The following PIK3R3 variants were observed in gnomAD, a reference collection of about 807,000 sequenced individuals.
PIK3R3 encodes the protein phosphoinositide-3-kinase regulatory subunit 3, also known as phosphatidylinositol 3-kinase regulatory subunit gamma.
In PIK3R3, 64 loss-of-function variants were observed where a neutral mutation model predicts 62.9. The observed-to-expected ratio is 1.02, with a 90% CI of 0.83 to 1.25. PIK3R3 has a LOEUF of 1.25. Among genes scored for constraint, PIK3R3 ranks in the 50% most tolerant of loss-of-function variants. The probability of loss-of-function intolerance (pLI) is 0.00; values close to 1 mark genes in which losing one functional copy is unlikely to be tolerated. For synonymous variants in PIK3R3, 165 were observed against 189.0 expected, an observed-to-expected ratio of 0.87 and a Z score of 1.04; for missense variants, 614 against 561.6, an observed-to-expected ratio of 1.09 and a Z score of -0.94.
At chr1:46,098,644 TTA>T (rs1214294504) in intron 1 of PIK3R3, among the ~76,000 whole-genome samples, 2 of 152,156 alleles carry the variant, frequency 1.3e-5, no homozygotes, top group East Asian at 3.8e-4. Flanking sequence ...ATAGGCAAAC[TTA>T]TAGAGACAGA....
chr1:46,090,828 T>C (rs1397541005), intron 1 of PIK3R3, among the ~76,000 whole-genome samples: 1 of 152,218 alleles, frequency 6.6e-6, no homozygotes, highest in Non-Finnish European at 1.5e-5. Flanking sequence ...GCATTTGGTA[T>C]GTCAGTCACA....
At chr1:46,079,934 A>G (rs1192639280) in intron 2 of PIK3R3, among the ~76,000 whole-genome samples, 1 of 150,424 alleles carries the variant, frequency 6.6e-6, no homozygotes, top group Admixed American at 6.8e-5. Flanking sequence ...AGCCTGGGCA[A>G]CAGAGTGAGA....
At chr1:46,099,052 T>C (rs892931927) in intron 1 of PIK3R3, among the ~76,000 whole-genome samples, 1 of 152,148 alleles carries the variant, frequency 6.6e-6, no homozygotes, top group African/African-American at 2.4e-5. Flanking sequence ...AAGAATGTTC[T>C]GGAATAAGAT....
Position 46,071,712 on chromosome 1 carries a change from A to AAAAAAAAAC in PIK3R3, c.315-4622_315-4621insGTTTTTTTT, listed in dbSNP as rs1472807815. Among the ~76,000 whole-genome samples, 17 of 24,636 alleles carry AAAAAAAAAC rather than the reference A, an allele frequency of 6.9e-4. 2 individuals are homozygous for AAAAAAAAAC. The highest frequency in any genetic ancestry group is 1.1e-3 in the Non-Finnish European group (14 of 12,780). 16.2% of individuals were successfully genotyped at this position (24,636 alleles called of 152,430 possible). On this transcript the variant is annotated intron_variant, in intron 3 of 9. Transcript: ENST00000262741. ...CTCTGTCTCCAAAAAAAAAAAAAAA[A>AAAAAAAAAC]ATATATATATATATATATAGAGAGA...
rs75345654 is a variant in PIK3R3, at chr1:46,069,518, C to CAA, written c.315-2429_315-2428dup. Reference sequence around the variant, plus strand: ...AGGGGTACAGAGTAAGATGCCATCTCAAAAAAAAAAAAAAGAATATGTTTA... The same window carrying CAA: ...AGGGGTACAGAGTAAGATGCCATCTCAAAAAAAAAAAAAAAAGAATATGTTTA... On this transcript the variant is annotated intron_variant, in intron 3 of 9. Transcript: ENST00000262741. Among the ~76,000 whole-genome samples the CAA allele has an allele frequency of 7.2e-3, 768 of 107,050 alleles. 8 individuals carry two copies. Among genetic ancestry groups the CAA allele is most frequent in the Admixed American group, 0.033 (338 of 10,264 alleles). 70.2% of individuals were successfully genotyped at this position (107,050 alleles called of 152,430 possible). A position where few individuals can be genotyped will look rare whatever the true frequency, so the allele number is the denominator to read the frequency against.
chr1:46,123,507 AAATG>A (rs1654849793), intron 1 of PIK3R3, among the ~76,000 whole-genome samples: 1 of 152,262 alleles, frequency 6.6e-6, no homozygotes, highest in Admixed American at 6.5e-5. Flanking sequence ...TACTTAAAAG[AAATG>A]AAGAGCTGAT....
At chr1:46,122,219 CT>C (rs1654739183) in intron 1 of PIK3R3, among the ~76,000 whole-genome samples, 1 of 152,138 alleles carries the variant, frequency 6.6e-6, no homozygotes, top group Non-Finnish European at 1.5e-5. Flanking sequence ...GGAAATTGAT[CT>C]TTAATAAGGC....
chr1:46,067,320 T>C (rs1649106296), intron 3 of PIK3R3, among the ~76,000 whole-genome samples: 1 of 148,786 alleles, frequency 6.7e-6, no homozygotes, highest in African/African-American at 2.5e-5. Flanking sequence ...CTTTGGTTAT[T>C]AAAGGTCAAC....
intron 3 of PIK3R3, among the ~76,000 whole-genome samples, chr1:46,071,708 A>T (rs1203223873): frequency 1.1e-4 from 6 of 52,624 alleles, no homozygotes; most frequent in African/African-American, 5.8e-4. Context: ...AAAAAAAAAA[A>T]AAAAATATAT....
chr1:46,060,349 G>A (rs1178481695), intron 6 of PIK3R3, among the ~76,000 whole-genome samples: 1 of 151,998 alleles, frequency 6.6e-6, no homozygotes, highest in Non-Finnish European at 1.5e-5. Flanking sequence ...AATTAGCCGG[G>A]CATGGTGGGG....
At chr1:46,098,133 C>T (rs1224711192) in intron 1 of PIK3R3, among the ~76,000 whole-genome samples, 1 of 152,086 alleles carries the variant, frequency 6.6e-6, no homozygotes, top group African/African-American at 2.4e-5. Flanking sequence ...TAAAAAAAAT[C>T]CCATTCCAAC....
At chr1:46,164,717 C>G in the PIK3R3 span, among the ~76,000 whole-genome samples, 1 of 152,212 alleles carries the variant, frequency 6.6e-6, no homozygotes, top group South Asian at 2.1e-4. Flanking sequence ...AACCTCGTCT[C>G]TTTCTACTTC....
intron 7 of PIK3R3, among the ~76,000 whole-genome samples, chr1:46,048,541 T>A (rs1278524816): frequency 4.6e-5 from 7 of 152,214 alleles, no homozygotes; most frequent in African/African-American, 1.7e-4. Context: ...TTTCTATCCT[T>A]AAAGAAACTG....
At chr1:46,071,730 T>TATATAGAGAG (rs1163343399) in intron 3 of PIK3R3, among the ~76,000 whole-genome samples, 2 of 59,066 alleles carry the variant, frequency 3.4e-5, no homozygotes, top group African/African-American at 1.6e-4. Context: ...TATATATATA[T>TATATAGAGAG]AGAGAGAGAG....
At chr1:46,120,150 T>C (rs1233527884) in intron 1 of PIK3R3, among the ~76,000 whole-genome samples, 2 of 152,164 alleles carry the variant, frequency 1.3e-5, no homozygotes, top group South Asian at 4.1e-4. Context: ...TTCCAATGCC[T>C]ATATTCCTCA....
intron 5 of PIK3R3, among the ~76,000 whole-genome samples, chr1:46,062,402 C>G (rs1648586279): frequency 6.6e-6 from 1 of 151,948 alleles, no homozygotes; most frequent in Non-Finnish European, 1.5e-5. Flanking sequence ...TGGCAAAACC[C>G]CGTCTCTACT....
intron 4 of PIK3R3, 75 bp from the exon 5 acceptor site, chr1:46,066,254 T>A (rs1648979804): frequency 2.8e-6 from 3 of 1,065,548 alleles, no homozygotes; most frequent in Non-Finnish European, 4.1e-6. Context: ...CACATCTATT[T>A]TTTAAAGGAA....
At chr1:46,159,104 TAAATAAATAAA>T in the PIK3R3 span, among the ~76,000 whole-genome samples, 1 of 151,538 alleles carries the variant, frequency 6.6e-6, no homozygotes, top group South Asian at 2.1e-4. Flanking sequence ...AATAAATAAA[TAAATAAATAAA>T]TAAATAAAAT....
At chr1:46,148,042 C>T in the PIK3R3 span, among the ~76,000 whole-genome samples, 5 of 152,268 alleles carry the variant, frequency 3.3e-5, no homozygotes, top group South Asian at 4.1e-4. Flanking sequence ...AAGAGTTTTT[C>T]GTAAACATTA....
Sources: allele counts gnomAD v4.1 joint callset (sites outside exome capture counted in the v4.1 genomes callset), GRCh38; gene constraint gnomAD v4.1.1; transcripts MANE v1.5; gene names NCBI Gene and HGNC (gene_info 2026-07-23, HGNC 2026-07-21).